RPTOR: variants seen among roughly 807,000 people sequenced by gnomAD.
The protein encoded by RPTOR is regulatory-associated protein of mTOR.
A neutral mutation model predicts 169.9 loss-of-function variants in RPTOR; 21 were observed. The observed-to-expected ratio is 0.12, with a 90% CI of 0.09 to 0.18. The LOEUF (loss-of-function observed/expected upper bound fraction) is 0.18. Among genes scored for constraint, RPTOR ranks in the 10% least tolerant of loss-of-function variants. RPTOR has a pLI of 1.00. For synonymous variants in RPTOR, 732 were observed against 753.2 expected (o/e 0.97, Z 0.46); for missense variants, 1,133 against 1,855.9 (o/e 0.61, Z 7.16).
intron 26 of RPTOR, among the ~76,000 whole-genome samples, 174 bp downstream of exon 26, chr17:80,945,955 G>A (rs1012853264): frequency 5.3e-5 from 8 of 151,974 alleles, no homozygotes; most frequent in African/African-American, 9.7e-5. Flanking sequence ...CTCTTTGACC[G>A]AGCCCCACCC....
At chr17:80,669,305 A>G (rs1355882616) in intron 3 of RPTOR, among the ~76,000 whole-genome samples, 2 of 152,222 alleles carry the variant, frequency 1.3e-5, no homozygotes, top group African/African-American at 2.4e-5. Flanking sequence ...GAACACCCGG[A>G]GTGCTGCCCT....
At chr17:80,665,458 C>CT (rs2065765381) in intron 3 of RPTOR, among the ~76,000 whole-genome samples, 1 of 28,520 alleles carries the variant, frequency 3.5e-5, no homozygotes, top group Non-Finnish European at 5.9e-5. Context: ...CTTTCCTTTC[C>CT]TTTCCTTTCC....
chr17:80,559,916 G>C (rs2084458353), intron 1 of RPTOR, among the ~76,000 whole-genome samples: 1 of 152,218 alleles, frequency 6.6e-6, no homozygotes, highest in Admixed American at 6.5e-5. Context: ...ACAGACCCCA[G>C]CTATCTGAAC....
chr17:80,851,164 A>C (rs1201916799), intron 11 of RPTOR, among the ~76,000 whole-genome samples: 1 of 152,136 alleles, frequency 6.6e-6, no homozygotes, highest in Non-Finnish European at 1.5e-5. Flanking sequence ...CCTGGCCTCA[A>C]GCGATCCTCC....
intron 9 of RPTOR, among the ~76,000 whole-genome samples, chr17:80,835,967 C>T (rs1362404347): frequency 1.3e-5 from 2 of 152,156 alleles, no homozygotes; most frequent in Non-Finnish European, 2.9e-5. Context: ...CAGCTGCCTC[C>T]GACTGACCCC....
intron 1 of RPTOR, among the ~76,000 whole-genome samples, chr17:80,590,023 G>A (rs542904682): frequency 6.3e-4 from 96 of 152,290 alleles, no homozygotes; most frequent in Middle Eastern, 6.8e-3. Context: ...AGCTAATTTC[G>A]TAGGCAATCT....
intron 1 of RPTOR, among the ~76,000 whole-genome samples, chr17:80,590,031 T>C (rs1054058589): frequency 6.6e-6 from 1 of 152,276 alleles, no homozygotes; most frequent in Non-Finnish European, 1.5e-5. Flanking sequence ...TCGTAGGCAA[T>C]CTCCATCAGA....
At chr17:80,683,074 T>G (rs1294954402) in intron 3 of RPTOR, among the ~76,000 whole-genome samples, 1 of 152,208 alleles carries the variant, frequency 6.6e-6, no homozygotes, top group Non-Finnish European at 1.5e-5. Flanking sequence ...ACTGCTGGGA[T>G]TACAGGCGCG....
chr17:80,613,745 A>C lies in RPTOR; in HGVS notation c.163-11946A>C, dbSNP rs191716513. On this transcript the variant is annotated intron_variant, in intron 1 of 33. Coordinates refer to ENST00000306801, the MANE Select transcript of RPTOR (RefSeq NM_020761.3). ...GGGCTGGGCCGCGTGTTGTGTGGACACAGGTGCTCTCTATGGTTGAATGAA... is the reference window on the plus strand; with the variant it reads ...GGGCTGGGCCGCGTGTTGTGTGGACCCAGGTGCTCTCTATGGTTGAATGAA... Among the ~76,000 whole-genome samples, 64 of 151,384 alleles carry C rather than the reference A, an allele frequency of 4.2e-4. 1 individual carries two copies. Among genetic ancestry groups the C allele is most frequent in the Non-Finnish European group, 4.4e-5 (3 of 67,932 alleles).
intron 21 of RPTOR, among the ~76,000 whole-genome samples, chr17:80,919,061 C>T (rs988907406): frequency 2.0e-5 from 3 of 152,216 alleles, no homozygotes; most frequent in African/African-American, 2.4e-5. Context: ...GTTCTCTTCC[C>T]GCAGCGCCTA....
intron 7 of RPTOR, among the ~76,000 whole-genome samples, chr17:80,794,680 G>A (rs1371665486): frequency 6.6e-6 from 1 of 152,208 alleles, no homozygotes; most frequent in Non-Finnish European, 1.5e-5. Flanking sequence ...CAGGGCAAAT[G>A]AATTCAGACT....
intron 30 of RPTOR, chr17:80,961,022 G>A (rs377619876): frequency 2.8e-4 from 81 of 287,090 alleles, no homozygotes; most frequent in African/African-American, 1.3e-3. Flanking sequence ...TGCACAGATC[G>A]GGGAGACACA....
intron 10 of RPTOR, 32 bp downstream of exon 10, chr17:80,838,029 G>T: frequency 6.4e-7 from 1 of 1,570,858 alleles, no homozygotes. Flanking sequence ...CTGTGCATCC[G>T]CGGCGGCAGC....
intron 24 of RPTOR, among the ~76,000 whole-genome samples, chr17:80,928,498 T>C (rs578119854): frequency 2.0e-5 from 3 of 152,330 alleles, no homozygotes; most frequent in South Asian, 4.1e-4. Flanking sequence ...CACAAAATAA[T>C]GACCAGTTTA....
In RPTOR at chr17:80,957,556, GCAGGCCCCAA is replaced by G; in HGVS notation, c.3371-67_3371-58del. 6.8e-7 allele frequency: 1 copy of G among 1,462,600 alleles called. No homozygotes were observed. Among genetic ancestry groups the G allele is most frequent in the Non-Finnish European group, 9.6e-7 (1 of 1,043,348 alleles). 90.6% of individuals were successfully genotyped at this position (1,462,600 alleles called of 1,614,324 possible). A position where few individuals can be genotyped will look rare whatever the true frequency, so the allele number is the denominator to read the frequency against. On this transcript the variant is annotated intron_variant, in intron 28 of 33. Coordinates refer to ENST00000306801, the MANE Select transcript of RPTOR (RefSeq NM_020761.3). This position sits in a 1 kb window ranked among gnomAD's most constrained non-coding sequence, Gnocchi z 4.6. ...GCTGCTGGCCAAATTGCTGCCCAGA[GCAGGCCCCAA>G]AGCCTGCCCAAGGCAAGGGCCCATG...
intron 28 of RPTOR, among the ~76,000 whole-genome samples, chr17:80,952,020 C>G (rs1475388847): frequency 6.6e-6 from 1 of 152,228 alleles, no homozygotes; most frequent in Non-Finnish European, 1.5e-5. Context: ...CGGCTCGGCA[C>G]TCACCCAATG....
intron 6 of RPTOR, among the ~76,000 whole-genome samples, chr17:80,762,212 G>T (rs1269872712): frequency 6.6e-6 from 1 of 152,230 alleles, no homozygotes; most frequent in Non-Finnish European, 1.5e-5. Context: ...AAAGGGAATT[G>T]AAGCAGATGG....
At chr17:80,889,435 C>T (rs978409212) in intron 17 of RPTOR, among the ~76,000 whole-genome samples, 4 of 152,178 alleles carry the variant, frequency 2.6e-5, no homozygotes, top group Admixed American at 1.3e-4. Flanking sequence ...CTTTGACAAG[C>T]GACCGGTCAG....
intron 2 of RPTOR, among the ~76,000 whole-genome samples, chr17:80,626,165 G>A (rs2065392515): frequency 6.6e-6 from 1 of 152,008 alleles, no homozygotes; most frequent in South Asian, 2.1e-4. Flanking sequence ...CCATTCTCAT[G>A]GCTCAGCCTC....
Sources: allele counts gnomAD v4.1 joint callset (sites outside exome capture counted in the v4.1 genomes callset), GRCh38; gene constraint gnomAD v4.1.1; non-coding constraint Gnocchi (gnomAD v3.1); transcripts MANE v1.5; gene names NCBI Gene and HGNC (gene_info 2026-07-23, HGNC 2026-07-21).